The following FCHO1 variants were observed in gnomAD, a reference collection of about 807,000 sequenced individuals.
FCHO1 encodes FCH and mu domain containing endocytic adaptor 1.
A neutral mutation model predicts 114.4 loss-of-function variants in FCHO1; 45 were observed. The observed-to-expected ratio is 0.39, with a 90% CI of 0.31 to 0.50. The LOEUF (loss-of-function observed/expected upper bound fraction) is 0.50, where lower values mean the gene tolerates loss of function less well. FCHO1 is among the 20% of genes least tolerant of loss of function. FCHO1 has a pLI of 0.77. For synonymous variants in FCHO1, 480 were observed against 488.9 expected (o/e 0.98, Z 0.24); for missense variants, 1,042 against 1,209.6 (o/e 0.86, Z 2.06).
intron 4 of FCHO1, among the ~76,000 whole-genome samples, chr19:17,758,169 C>G (rs560702359): frequency 6.6e-6 from 1 of 151,336 alleles, no homozygotes; most frequent in Non-Finnish European, 1.5e-5. Context: ...GAGCCAAGAT[C>G]GCATCACTGC....
chr19:17,783,210 T>G (rs374916900), intron 24 of FCHO1, 38 bp downstream of exon 24: 45 of 1,596,888 alleles, frequency 2.8e-5, no homozygotes, highest in Non-Finnish European at 3.4e-5. Flanking sequence ...CCTCGGAGGC[T>G]GCTGGGGATC....
chr19:17,766,860 C>T (rs759856600), intron 7 of FCHO1, 50 bp downstream of exon 7: 1 of 1,587,208 alleles, frequency 6.3e-7, no homozygotes, highest in Non-Finnish European at 8.6e-7. Context: ...GGAACACCGG[C>T]AGCTCACAGG....
At chr19:17,783,973 A>T in intron 24 of FCHO1, 130 bp from the exon 25 acceptor site, 1 of 1,157,786 alleles carries the variant, frequency 8.6e-7, no homozygotes, top group Non-Finnish European at 1.2e-6. Context: ...CACCACAACC[A>T]CCCAGGTAGG....
intron 7 of FCHO1, among the ~76,000 whole-genome samples, chr19:17,769,710 G>A (rs2090892909): frequency 2.6e-5 from 4 of 152,068 alleles, no homozygotes; most frequent in South Asian, 4.1e-4. Flanking sequence ...TTATCCATAT[G>A]CGGATTATTT....
chr19:17,749,526 G>A (rs1327801097), upstream of FCHO1, among the ~76,000 whole-genome samples: 1 of 152,088 alleles, frequency 6.6e-6, no homozygotes, highest in Admixed American at 6.6e-5. Flanking sequence ...GGGAAAGTTG[G>A]GTACACAGTA....
intron 7 of FCHO1, 127 bp downstream of exon 7, chr19:17,766,937 A>T: frequency 9.5e-7 from 1 of 1,049,054 alleles, no homozygotes; most frequent in Non-Finnish European, 1.4e-6. Flanking sequence ...TAATTCCACA[A>T]CGTCAAGCCC....
chr19:17,769,362 G>T (rs1375964363), intron 7 of FCHO1, among the ~76,000 whole-genome samples: 1 of 151,018 alleles, frequency 6.6e-6, no homozygotes, highest in Non-Finnish European at 1.5e-5. Flanking sequence ...AGATCACGAG[G>T]TCAGGAGATC....
At chr19:17,783,312 G>T in intron 24 of FCHO1, 140 bp downstream of exon 24, 1 of 923,466 alleles carries the variant, frequency 1.1e-6, no homozygotes, top group South Asian at 1.8e-5. Flanking sequence ...TGTCGCCCAG[G>T]CTGGAGTGCA....
At chr19:17,778,442 T>C in intron 19 of FCHO1, 167 bp from the exon 20 acceptor site, 6 of 845,194 alleles carry the variant, frequency 7.1e-6, no homozygotes, top group Non-Finnish European at 9.0e-6. Context: ...GGGCCGGACA[T>C]TTGTGGAGAG....
intron 1 of FCHO1, chr19:17,752,304 G>T (rs8107504): frequency 0.88 from 133,407 of 151,982 alleles, 59,667 homozygotes; most frequent in Non-Finnish European, 0.96. Flanking sequence ...TTTCAACCAG[G>T]TTGGAGTGCA....
At chr19:17,780,889 G>A (rs942920824) in intron 20 of FCHO1, among the ~76,000 whole-genome samples, 3 of 152,206 alleles carry the variant, frequency 2.0e-5, no homozygotes. Context: ...TTCTCGGAAA[G>A]GGTAGAGGTC....
chr19:17,778,434 G>T (rs925689979), intron 19 of FCHO1, 175 bp from the exon 20 acceptor site: 1 of 824,642 alleles, frequency 1.2e-6, no homozygotes. Context: ...GAGTGGATGG[G>T]CCGGACATTT....
In FCHO1 at chr19:17,776,020, C is replaced by T. The variant is rs536414154; in HGVS notation, c.1041C>T (p.Ser347=). ...CCTCCCGTTTCTCGTCCAGCGACTC[C>T]GACTTCGACGATGAAGAGCCCCGCA... ...AEPSRFSSSD[S]DFDDEEPRKF... is the part of the protein sequence containing the mutation. Residue 347 remains serine (S), a synonymous_variant, in exon 16 of 29, where the codon TCC becomes TCT. Coordinates refer to ENST00000596536, the MANE Select transcript of FCHO1 (RefSeq NM_015122.3). The surrounding 1 kb of genome is among the most constrained non-coding windows in gnomAD (Gnocchi z 4.4). 6 of 1,609,206 alleles carry T rather than the reference C, an allele frequency of 3.7e-6. No individual in the cohort carries two copies. In the East Asian group the frequency reaches 6.7e-5, roughly 18 times the overall value.
upstream of FCHO1, among the ~76,000 whole-genome samples, chr19:17,749,686 C>T (rs544373469): frequency 5.3e-5 from 8 of 152,216 alleles, no homozygotes; most frequent in Admixed American, 1.3e-4. Flanking sequence ...GTTTCCCCAT[C>T]GTGGTGCTGG....
At position 17,775,532 on chromosome 19, in the gene FCHO1, CT is replaced by C. The variant is rs771481389; in HGVS notation, c.1003+20del. The C allele has an allele frequency of 1.9e-6, 3 of 1,612,656 alleles. No individual in the cohort carries two copies. In the African/African-American group the frequency reaches 4.0e-5, roughly 22 times the overall value. ...CAGAACAATATCCTTCTGGCACCCCCTGGGGGCAGTTGTTGGCACAGCAAGG... is the reference window on the plus strand; with the variant it reads ...CAGAACAATATCCTTCTGGCACCCCCGGGGGCAGTTGTTGGCACAGCAAGG... On this transcript the variant is annotated intron_variant, in intron 15 of 28. Transcript: ENST00000596536. The surrounding 1 kb of genome is among the most constrained non-coding windows in gnomAD (Gnocchi z 5.1).
intron 7 of FCHO1, among the ~76,000 whole-genome samples, chr19:17,767,913 A>G (rs4239635): frequency 0.27 from 41,243 of 152,232 alleles, 6,970 homozygotes; most frequent in East Asian, 0.66. Flanking sequence ...TTATAAACCT[A>G]GAATCAGAAG....
chr19:17,783,150 C>G lies in FCHO1; in HGVS notation c.2071C>G (p.Pro691Ala), dbSNP rs2093574807. Residue 691 changes from proline (P) to alanine (A), a missense_variant, in exon 24 of 29, where the codon CCC becomes GCC. Pro to Ala is a conservative substitution (Grantham distance 27, BLOSUM62 -1). Transcript: ENST00000596536. ...CACAACCGCTATTGAGCACTTCCAG[C>G]CCAACGCCGATCTGCTGTTCAGGTA... ...VHTTAIEHFQ[P>A]NADLLFSDPS... 6.2e-7 allele frequency: 1 copy of G among 1,614,032 alleles called. No individual in the cohort carries two copies. The highest frequency in any genetic ancestry group is 8.5e-7 in the Non-Finnish European group (1 of 1,180,002).
intron 4 of FCHO1, among the ~76,000 whole-genome samples, chr19:17,757,787 G>A (rs543963277): frequency 7.3e-5 from 11 of 151,676 alleles, no homozygotes; most frequent in South Asian, 6.3e-4. Flanking sequence ...GTGGTGGCGC[G>A]CACCTGTGGT....
chr19:17,754,930 C>G (rs2082946380), intron 3 of FCHO1, 188 bp from the exon 4 acceptor site: 1 of 555,086 alleles, frequency 1.8e-6, no homozygotes, highest in South Asian at 1.9e-5. Context: ...TGTTCTGTCC[C>G]CCTCTACTGG....
Sources: gnomAD v4.1 joint callset for allele counts (sites outside exome capture counted in the v4.1 genomes callset) on GRCh38, gnomAD v4.1.1 for gene constraint, Gnocchi (gnomAD v3.1) non-coding constraint, MANE v1.5 for transcripts, NCBI Gene and HGNC (gene_info 2026-07-23, HGNC 2026-07-21) for gene names.